The following DNAH8 variants were observed in gnomAD, a reference collection of about 807,000 sequenced individuals.
DNAH8 encodes dynein axonemal heavy chain 8, also known as axonemal beta dynein heavy chain 8.
In DNAH8, 382 loss-of-function variants were observed where a neutral mutation model predicts 562.1. That is an observed-to-expected ratio of 0.68 (90% confidence interval 0.63 to 0.74). The LOEUF (loss-of-function observed/expected upper bound fraction) is 0.74. DNAH8 is among the 30% of genes least tolerant of loss of function. DNAH8 has a pLI of 0.00. For missense variants in DNAH8, 5,203 were observed against 5,620.4 expected (o/e 0.93, Z 2.37); for synonymous variants, 1,881 against 1,919.4 (o/e 0.98, Z 0.52).
At chr6:38,867,613 C>A (rs1036141424) in intron 47 of DNAH8, among the ~76,000 whole-genome samples, 2 of 150,614 alleles carry the variant, frequency 1.3e-5, no homozygotes, top group Non-Finnish European at 3.0e-5. Context: ...ATTAGCCAGG[C>A]GTGGTGGCAC....
intron 31 of DNAH8, among the ~76,000 whole-genome samples, chr6:38,833,540 A>T (rs1332431364): frequency 1.3e-5 from 2 of 152,226 alleles, no homozygotes; most frequent in African/African-American, 2.4e-5. Context: ...GCAAATCTGA[A>T]CACACTATTT....
intron 70 of DNAH8, among the ~76,000 whole-genome samples, chr6:38,919,692 A>T (rs895040566): frequency 2.0e-5 from 3 of 152,194 alleles, no homozygotes; most frequent in Non-Finnish European, 2.9e-5. Flanking sequence ...CTGGGGTCTC[A>T]TTCTCTGAGT....
rs1218893576 is a variant in DNAH8, at chr6:39,026,617, C to T, written c.13786C>T (p.His4596Tyr). 2.5e-6 allele frequency: 4 copies of T among 1,613,652 alleles called. No homozygotes were observed. Among genetic ancestry groups the T allele is most frequent in the Non-Finnish European group, 3.4e-6 (4 of 1,179,930 alleles). ...KGWALDTVTI[H>Y]NEVLRQTKEE... ...CTGGGCACTGGACACTGTGACCATC[C>T]ACAATGAAGTTCTGAGACAGACCAA... Residue 4596 changes from histidine (H) to tyrosine (Y), a missense_variant, in exon 92 of 93, where the codon CAC (histidine) becomes TAC (tyrosine). This residue lies in a region of DNAH8 where 1,399 missense variants were observed against 1,518.4 expected (regional missense o/e 0.92). Transcript: ENST00000327475.
intron 16 of DNAH8, among the ~76,000 whole-genome samples, chr6:38,781,771 G>A (rs1286643368): frequency 6.6e-6 from 1 of 152,134 alleles, no homozygotes; most frequent in Admixed American, 6.5e-5. Flanking sequence ...AAGCCAAAGA[G>A]TGTATTCCTG....
intron 88 of DNAH8, among the ~76,000 whole-genome samples, chr6:39,002,592 A>C (rs1353773898): frequency 6.6e-6 from 1 of 152,224 alleles, no homozygotes; most frequent in African/African-American, 2.4e-5. Context: ...ATTCAACTGC[A>C]TGCATGTTTC....
intron 1 of DNAH8, among the ~76,000 whole-genome samples, 191 bp from the exon 2 acceptor site, chr6:38,722,583 GGT>G (rs972274305): frequency 6.7e-5 from 10 of 149,112 alleles, no homozygotes; most frequent in African/African-American, 1.7e-4. Flanking sequence ...GGTGGGTGGG[GGT>G]GTGTGTGTGT....
rs80088915 is a variant in DNAH8 at position 38,929,191 on chromosome 6, G to A, written c.11119-320G>A. On this transcript the variant is annotated intron_variant, in intron 74 of 92. Coordinates refer to ENST00000327475, the MANE Select transcript of DNAH8 (RefSeq NM_001206927.2). ...GCTTTCTCTGAGCGATTATAGCTAT[G>A]TAAGTTTGAAAGGATTAATCCTTGA... 0.074 allele frequency among the ~76,000 whole-genome samples: 11,200 copies of A among 152,216 alleles called. 485 individuals are homozygous for A. Among genetic ancestry groups the A allele is most frequent in the African/African-American group, 0.11 (4,415 of 41,544 alleles).
intron 53 of DNAH8, among the ~76,000 whole-genome samples, 190 bp from the exon 54 acceptor site, chr6:38,882,720 T>TA (rs1233094896): frequency 2.6e-5 from 4 of 152,230 alleles, no homozygotes; most frequent in Admixed American, 6.5e-5. Flanking sequence ...GCTGACTTTA[T>TA]AAAAAAAGGC....
chr6:38,816,854 T>TA, intron 26 of DNAH8, among the ~76,000 whole-genome samples: 1 of 152,224 alleles, frequency 6.6e-6, no homozygotes, highest in South Asian at 2.1e-4. Context: ...GAGCTTTTTT[T>TA]TATATATGTT....
chr6:38,886,690 A>G lies in DNAH8; in HGVS notation c.8260-101A>G, dbSNP rs116618989. On this transcript the variant is annotated intron_variant, in intron 56 of 92. Transcript: ENST00000327475. ...CATTCACAAACACTTCATTGATAAG[A>G]GTTTAATGTTTTCTTCTAATCTCAT... is the stretch of plus-strand genomic sequence containing the variant. 370 of 917,612 alleles carry G rather than the reference A, an allele frequency of 4.0e-4. 3 individuals carry two copies. In the African/African-American group the frequency reaches 5.5e-3, roughly 14 times the overall value. 56.8% of individuals were successfully genotyped at this position (917,612 alleles called of 1,614,324 possible). A position where few individuals can be genotyped will look rare whatever the true frequency, so the allele number is the denominator to read the frequency against.
At chr6:38,831,908 A>AT (rs35886137) in intron 30 of DNAH8, among the ~76,000 whole-genome samples, 24 of 151,494 alleles carry the variant, frequency 1.6e-4, no homozygotes, top group South Asian at 6.3e-4. Context: ...GGTATTTGCT[A>AT]TTTTTTTTTA....
rs758580054 is a variant in DNAH8, at chr6:38,868,076, T to C, written c.6708T>C (p.Phe2236=). The change falls in exon 48 of 93, where the codon TTT becomes TTC. Residue 2236 remains phenylalanine, a synonymous_variant. Coordinates refer to ENST00000327475, the MANE Select transcript of DNAH8 (RefSeq NM_001206927.2). ...EQLTKQVHYD[F]GLRNILSVLR... The stretch of plus-strand genomic sequence containing the variant: ...TCCCATCTCAGGTTCATTATGACTT[T>C]GGATTGAGAAATATTCTGTCTGTAT... The C allele has an allele frequency of 3.7e-6, 6 of 1,609,080 alleles. 1 individual carries two copies. The South Asian group carries it at 6.7e-5, about 18-fold the overall frequency.
At chr6:38,761,886 T>A in intron 11 of DNAH8, 83 bp downstream of exon 11, 1 of 765,312 alleles carries the variant, frequency 1.3e-6, no homozygotes, top group Non-Finnish European at 2.0e-6. Context: ...CAAAATATGT[T>A]AACTGAAAAA....
chr6:38,870,814 G>A (rs1353241417), intron 49 of DNAH8, among the ~76,000 whole-genome samples: 1 of 152,116 alleles, frequency 6.6e-6, no homozygotes, highest in Non-Finnish European at 1.5e-5. Context: ...AATGTTGGGC[G>A]GAAATAGTAG....
At chr6:38,798,826 G>A (rs1277396297) in intron 21 of DNAH8, among the ~76,000 whole-genome samples, 2 of 152,136 alleles carry the variant, frequency 1.3e-5, no homozygotes, top group African/African-American at 2.4e-5. Context: ...GTGAGATACC[G>A]CAGGAGTCCC....
intron 29 of DNAH8, among the ~76,000 whole-genome samples, chr6:38,827,621 T>TA (rs1426470667): frequency 6.6e-6 from 1 of 151,582 alleles, no homozygotes; most frequent in African/African-American, 2.4e-5. Flanking sequence ...TTTACTGCTT[T>TA]AAAAAAATCG....
intron 85 of DNAH8, among the ~76,000 whole-genome samples, chr6:38,982,108 C>T (rs1764075440): frequency 6.6e-6 from 1 of 152,156 alleles, no homozygotes; most frequent in Non-Finnish European, 1.5e-5. Flanking sequence ...GCTGTACCAT[C>T]TAGGTTTGTG....
At chr6:38,931,715 T>C (rs1292868158) in intron 75 of DNAH8, 96 bp from the exon 76 acceptor site, 1 of 708,390 alleles carries the variant, frequency 1.4e-6, no homozygotes, top group Non-Finnish European at 2.3e-6. Flanking sequence ...TATTGAAGCG[T>C]CACAGCACTG....
At position 38,832,436 on chromosome 6, in the gene DNAH8, G is replaced by T; in HGVS notation, c.4302+1G>T. 1 of 1,520,062 alleles carries T rather than the reference G, an allele frequency of 6.6e-7. No individual in the cohort carries two copies. The highest frequency in any genetic ancestry group is 9.1e-7 in the Non-Finnish European group (1 of 1,096,024). 94.2% of individuals were successfully genotyped at this position (1,520,062 alleles called of 1,614,324 possible). ...AAACTTTGCAGAAGCATATGAATTGGTAATTTAAGTATTTTCTTGCTGTAT... is the reference window on the plus strand; with the variant it reads ...AAACTTTGCAGAAGCATATGAATTGTTAATTTAAGTATTTTCTTGCTGTAT... On this transcript the variant is annotated splice_donor_variant, in intron 31 of 92. Transcript: ENST00000327475. LOFTEE classifies it high-confidence loss of function.
Sources: allele counts gnomAD v4.1 joint callset (sites outside exome capture counted in the v4.1 genomes callset), GRCh38; gene constraint gnomAD v4.1.1; regional missense constraint gnomAD v4.1.1; transcripts MANE v1.5; gene names NCBI Gene and HGNC (gene_info 2026-07-23, HGNC 2026-07-21).